Variants in SEMA5A observed in about 807,000 individuals in gnomAD.
SEMA5A encodes the protein semaphorin 5A.
In SEMA5A, 55 loss-of-function variants were observed where a neutral mutation model predicts 135.5. That is an observed-to-expected ratio of 0.41 (90% CI 0.33 to 0.51). SEMA5A has a LOEUF of 0.51. Among genes scored for constraint, SEMA5A ranks in the 20% least tolerant of loss-of-function variants. The pLI, the probability that SEMA5A is intolerant of heterozygous loss-of-function variation, is 0.37. For synonymous variants in SEMA5A, 580 were observed against 546.5 expected (o/e 1.06, Z -0.85); for missense variants, 1,290 against 1,419.9 (o/e 0.91, Z 1.47).
At chr5:9,105,555 T>TGAA (rs1469060209) in intron 16 of SEMA5A, among the ~76,000 whole-genome samples, 1 of 152,168 alleles carries the variant, frequency 6.6e-6, no homozygotes, top group Non-Finnish European at 1.5e-5. Flanking sequence ...GAGAAGCAGC[T>TGAA]GAAGCCCATG....
intron 9 of SEMA5A, among the ~76,000 whole-genome samples, chr5:9,198,361 A>G (rs1745528814): frequency 6.6e-6 from 1 of 152,212 alleles, no homozygotes; most frequent in African/African-American, 2.4e-5. Flanking sequence ...CACAACGAGG[A>G]CAAGACCCTT....
chr5:9,324,122 G>T (rs534093721), intron 4 of SEMA5A, among the ~76,000 whole-genome samples: 45 of 151,598 alleles, frequency 3.0e-4, no homozygotes, highest in African/African-American at 9.0e-4. Context: ...AGGCCAGAGC[G>T]CAGTGGTGCT....
At chr5:9,384,625 TAG>T (rs1257959101) in intron 2 of SEMA5A, among the ~76,000 whole-genome samples, 35 of 90,710 alleles carry the variant, frequency 3.9e-4, no homozygotes, top group South Asian at 7.0e-4. Flanking sequence ...GATACATAGA[TAG>T]ATAGATAGAT....
Position 9,145,178 on chromosome 5 carries a change from G to C in SEMA5A, c.1482-8557C>G, listed in dbSNP as rs1272638033. 2.6e-5 allele frequency among the ~76,000 whole-genome samples: 4 copies of C among 152,128 alleles called. No homozygotes were observed. In the East Asian group the frequency reaches 7.7e-4, roughly 29 times the overall value. The stretch of plus-strand genomic sequence containing the variant: ...AGGCAATGCCAGCTCAGAAGGACCT[G>C]CATGAACTGAGTATAGTATTAAAAC... On this transcript the variant is annotated intron_variant, in intron 12 of 22. Transcript: ENST00000382496.
intron 15 of SEMA5A, among the ~76,000 whole-genome samples, chr5:9,110,804 G>A (rs912355944): frequency 1.3e-5 from 2 of 152,116 alleles, no homozygotes; most frequent in African/African-American, 4.8e-5. Flanking sequence ...ACACAGAAAC[G>A]TAAGGTTTTC....
chr5:9,050,813 C>T (rs1280725522), intron 20 of SEMA5A, among the ~76,000 whole-genome samples: 2 of 152,234 alleles, frequency 1.3e-5, no homozygotes, highest in Non-Finnish European at 2.9e-5. Flanking sequence ...GGTATTCCTG[C>T]TTCTGAGACT....
At chr5:9,392,533 A>T (rs1017200347) in intron 2 of SEMA5A, among the ~76,000 whole-genome samples, 2 of 152,166 alleles carry the variant, frequency 1.3e-5, no homozygotes, top group African/African-American at 4.8e-5. Context: ...ATGACAGCAA[A>T]ATAGTTTCCA....
At chr5:9,267,329 C>T (rs1267011114) in intron 5 of SEMA5A, among the ~76,000 whole-genome samples, 2 of 152,124 alleles carry the variant, frequency 1.3e-5, no homozygotes, top group African/African-American at 4.8e-5. Flanking sequence ...CAAGCTGTTG[C>T]CCGATCCACT....
At chr5:9,437,573 A>C (rs1758078794) in intron 2 of SEMA5A, among the ~76,000 whole-genome samples, 183 bp downstream of exon 2, 1 of 152,044 alleles carries the variant, frequency 6.6e-6, no homozygotes, top group African/African-American at 2.4e-5. Flanking sequence ...GCCAGGCTGG[A>C]ACTCCTGACC....
intron 1 of SEMA5A, among the ~76,000 whole-genome samples, chr5:9,457,528 AG>A (rs1349296646): frequency 1.3e-5 from 2 of 152,184 alleles, no homozygotes; most frequent in East Asian, 3.8e-4. Flanking sequence ...CTGACACCAA[AG>A]GGCTGATGGT....
At chr5:9,311,739 A>C (rs1172473859) in intron 5 of SEMA5A, among the ~76,000 whole-genome samples, 1 of 152,152 alleles carries the variant, frequency 6.6e-6, no homozygotes, top group Non-Finnish European at 1.5e-5. Context: ...AACTTAAAGT[A>C]TAATGATAAT....
At chr5:9,470,236 A>C (rs898071785) in intron 1 of SEMA5A, among the ~76,000 whole-genome samples, 4 of 152,212 alleles carry the variant, frequency 2.6e-5, no homozygotes, top group African/African-American at 7.2e-5. Context: ...GGTTGCACAA[A>C]GAAGTTTCAG....
chr5:9,224,534 C>T (rs1561042742), intron 8 of SEMA5A, 140 bp downstream of exon 8: 1 of 744,860 alleles, frequency 1.3e-6, no homozygotes, highest in South Asian at 1.8e-5. Flanking sequence ...TATCATTAGT[C>T]CTGAACAAGC....
intron 16 of SEMA5A, among the ~76,000 whole-genome samples, chr5:9,079,091 GC>G (rs1345620799): frequency 6.6e-6 from 1 of 151,900 alleles, no homozygotes; most frequent in Non-Finnish European, 1.5e-5. Flanking sequence ...AAAATTAATG[GC>G]AAATAATTTA....
intron 2 of SEMA5A, among the ~76,000 whole-genome samples, chr5:9,424,994 CA>C (rs1438769875): frequency 1.3e-5 from 2 of 152,206 alleles, no homozygotes; most frequent in Non-Finnish European, 2.9e-5. Context: ...GTAAATAACT[CA>C]TATCCCACCA....
At chr5:9,289,305 C>T (rs886230222) in intron 5 of SEMA5A, among the ~76,000 whole-genome samples, 1 of 152,080 alleles carries the variant, frequency 6.6e-6, no homozygotes, top group African/African-American at 2.4e-5. Flanking sequence ...AAACTTAGTG[C>T]AATAATTTAT....
intron 16 of SEMA5A, among the ~76,000 whole-genome samples, chr5:9,104,496 AAG>A (rs1694263096): frequency 6.6e-6 from 1 of 152,222 alleles, no homozygotes; most frequent in Non-Finnish European, 1.5e-5. Context: ...ATAGGGTTAA[AAG>A]GAAACACACA....
intron 2 of SEMA5A, among the ~76,000 whole-genome samples, chr5:9,412,396 G>A (rs575060638): frequency 6.6e-6 from 1 of 151,366 alleles, no homozygotes; most frequent in South Asian, 2.1e-4. Flanking sequence ...TGATTTCCTT[G>A]ATTGACCTAC....
chr5:9,418,373 T>C (rs1278269951), intron 2 of SEMA5A, among the ~76,000 whole-genome samples: 1 of 152,204 alleles, frequency 6.6e-6, no homozygotes, highest in Non-Finnish European at 1.5e-5. Context: ...ACTATCAAAC[T>C]GGGTGTTAGG....
Sources: gnomAD v4.1 joint callset for allele counts (sites outside exome capture counted in the v4.1 genomes callset) on GRCh38, gnomAD v4.1.1 for gene constraint, MANE v1.5 for transcripts, NCBI Gene and HGNC (gene_info 2026-07-23, HGNC 2026-07-21) for gene names.